The following ROBO2 variants were observed in gnomAD, a reference collection of about 807,000 sequenced individuals.
ROBO2 encodes roundabout guidance receptor 2, also known as roundabout homolog 2.
Under a neutral mutation model 160.8 loss-of-function variants are expected in ROBO2, and 53 were observed. That is an observed-to-expected ratio of 0.33 (90% CI 0.26 to 0.41). ROBO2 has a LOEUF of 0.41. Ranked by LOEUF, ROBO2 falls within the 10% of genes least tolerant of loss-of-function variation. The pLI, the probability that ROBO2 is intolerant of heterozygous loss-of-function variation, is 1.00. For synonymous variants in ROBO2, 664 were observed against 611.7 expected, an observed-to-expected ratio of 1.09 and a Z score of -1.26; for missense variants, 1,577 against 1,722.4, an observed-to-expected ratio of 0.92 and a Z score of 1.49.
At chr3:76,242,340 C>A (rs1321780342) in intron 2 of ROBO2, among the ~76,000 whole-genome samples, 1 of 152,112 alleles carries the variant, frequency 6.6e-6, no homozygotes, top group Non-Finnish European at 1.5e-5. Flanking sequence ...CCCTATGGAG[C>A]GGGGCAGTCT....
At chr3:76,224,574 T>C (rs1704169324) in intron 2 of ROBO2, among the ~76,000 whole-genome samples, 1 of 152,214 alleles carries the variant, frequency 6.6e-6, no homozygotes, top group African/African-American at 2.4e-5. Flanking sequence ...ATTCTAAAAC[T>C]ACTGTCACAG....
chr3:76,622,237 A>AGGAAGAAAGAAAGAAAGAAAGAAAGAAG (rs1378124303), intron 2 of ROBO2, among the ~76,000 whole-genome samples: 3 of 40,242 alleles, frequency 7.5e-5, no homozygotes, highest in African/African-American at 1.2e-4. Flanking sequence ...GAAGGAAGGA[A>AGGAAGAAAGAAAGAAAGAAAGAAAGAAG]GAAAGAAAGA....
chr3:76,367,744 T>C (rs1383327768), intron 2 of ROBO2, among the ~76,000 whole-genome samples: 1 of 151,974 alleles, frequency 6.6e-6, no homozygotes, highest in East Asian at 1.9e-4. Flanking sequence ...GATATTTTCT[T>C]TTTCAAAATG....
At chr3:77,094,868 G>T (rs1559993735) in intron 1 of ROBO2, among the ~76,000 whole-genome samples, 1 of 151,772 alleles carries the variant, frequency 6.6e-6, no homozygotes, top group Admixed American at 6.6e-5. Context: ...CTAATCCTTT[G>T]CCTATTTTAA....
intron 2 of ROBO2, among the ~76,000 whole-genome samples, chr3:77,234,988 T>G (rs2087747384): frequency 6.6e-6 from 1 of 152,172 alleles, no homozygotes; most frequent in South Asian, 2.1e-4. Flanking sequence ...TATATAATTT[T>G]AGCGTACAAA....
intron 2 of ROBO2, among the ~76,000 whole-genome samples, chr3:76,000,153 T>G (rs2065841004): frequency 6.6e-6 from 1 of 152,078 alleles, no homozygotes; most frequent in Non-Finnish European, 1.5e-5. Flanking sequence ...ACCTTAACAT[T>G]CATCATCTTG....
intron 3 of ROBO2, 35 bp downstream of exon 3, chr3:77,477,606 G>C: frequency 1.3e-6 from 2 of 1,582,374 alleles, no homozygotes; most frequent in Non-Finnish European, 1.7e-6. Context: ...CAGAGAGATT[G>C]AATTTTCAGT....
chr3:77,147,633 ACT>A (rs2077220787), intron 2 of ROBO2, among the ~76,000 whole-genome samples: 2 of 152,170 alleles, frequency 1.3e-5, no homozygotes, highest in South Asian at 4.1e-4. Flanking sequence ...TTCCTGGTGT[ACT>A]CTTTTACTAT....
chr3:77,188,227 G>GTTAC (rs2081462850), intron 2 of ROBO2, among the ~76,000 whole-genome samples: 2 of 143,112 alleles, frequency 1.4e-5, no homozygotes, highest in African/African-American at 6.0e-5. Flanking sequence ...GCTCTGAAGG[G>GTTAC]TAAAAGCCAA....
chr3:76,296,092 C>G (rs546521966), intron 2 of ROBO2, among the ~76,000 whole-genome samples: 2 of 152,256 alleles, frequency 1.3e-5, no homozygotes, highest in South Asian at 4.1e-4. Context: ...TCGTGGATAT[C>G]TGGTTGGGCA....
At chr3:76,012,104 A>T (rs762772579) in intron 2 of ROBO2, among the ~76,000 whole-genome samples, 4 of 152,236 alleles carry the variant, frequency 2.6e-5, no homozygotes, top group African/African-American at 9.6e-5. Context: ...ATTTTATTTT[A>T]TCTCTATGTA....
intron 2 of ROBO2, among the ~76,000 whole-genome samples, chr3:76,272,906 TTTATATATAA>T (rs1345480064): frequency 2.5e-4 from 10 of 39,444 alleles, no homozygotes; most frequent in African/African-American, 7.0e-4. Flanking sequence ...ATAATATATA[TTTATATATAA>T]AATATATATA....
rs547382183 is a variant in ROBO2, at chr3:77,294,757, C to T, written c.389-182657C>T. On this transcript the variant is annotated intron_variant, in intron 2 of 25. Coordinates refer to ENST00000461745, the Ensembl canonical transcript of ROBO2. ...TTAAACGGGTAAGCTGAGGCTAGAT[C>T]ACCCCAGACACAAAGTAAAATTGAC... Among the ~76,000 whole-genome samples the T allele has an allele frequency of 7.3e-4, 108 of 147,436 alleles. 8 individuals carry two copies. Among genetic ancestry groups the T allele is most frequent in the African/African-American group, 2.7e-3 (103 of 38,150 alleles).
intron 2 of ROBO2, among the ~76,000 whole-genome samples, chr3:76,114,033 A>G (rs937900818): frequency 6.6e-6 from 1 of 152,206 alleles, no homozygotes; most frequent in African/African-American, 2.4e-5. Flanking sequence ...TGCTGGTACC[A>G]TGCTGGTACA....
intron 2 of ROBO2, among the ~76,000 whole-genome samples, chr3:76,441,555 G>A (rs961673135): frequency 2.0e-5 from 3 of 152,180 alleles, no homozygotes; most frequent in Admixed American, 6.5e-5. Flanking sequence ...CCTGCAGAAT[G>A]AGGCTTAGTT....
chr3:76,289,632 T>C (rs1576279668), intron 2 of ROBO2, among the ~76,000 whole-genome samples: 1 of 152,312 alleles, frequency 6.6e-6, no homozygotes, highest in Non-Finnish European at 1.5e-5. Context: ...AGGTTTTACA[T>C]TTATGTCTTT....
intron 2 of ROBO2, among the ~76,000 whole-genome samples, chr3:76,054,606 G>C (rs1181539188): frequency 6.6e-6 from 1 of 152,104 alleles, no homozygotes; most frequent in Admixed American, 6.5e-5. Flanking sequence ...GGGACACATG[G>C]ACATAAACAT....
intron 2 of ROBO2, among the ~76,000 whole-genome samples, chr3:76,812,909 ATTTTTTTTTT>A (rs71104626): frequency 4.8e-5 from 5 of 104,656 alleles, no homozygotes; most frequent in Admixed American, 4.6e-4. Flanking sequence ...AGAAGTATAA[ATTTTTTTTTT>A]TTTTTTTTTT....
At chr3:76,331,688 G>GA (rs1441959969) in intron 2 of ROBO2, among the ~76,000 whole-genome samples, 2 of 137,138 alleles carry the variant, frequency 1.5e-5, no homozygotes, top group Admixed American at 1.5e-4. Context: ...AGTAATATTT[G>GA]AATTTTTTTT....
Sources: allele counts gnomAD v4.1 joint callset (sites outside exome capture counted in the v4.1 genomes callset), GRCh38; gene constraint gnomAD v4.1.1; transcripts MANE v1.5; gene names NCBI Gene and HGNC (gene_info 2026-07-23, HGNC 2026-07-21).